Variants in TRAK2 observed in about 807,000 individuals in gnomAD.
TRAK2 encodes the protein trafficking kinesin-binding protein 2.
TRAK2 carries 81 observed loss-of-function variants against 104.6 expected under a neutral mutation model. The ratio of observed to expected loss-of-function variants is 0.77; its 90% confidence interval spans 0.65 to 0.93. The LOEUF is 0.93. Ranked by LOEUF, TRAK2 falls within the 40% of genes least tolerant of loss-of-function variation. The probability of loss-of-function intolerance (pLI) is 0.00; values close to 1 mark genes in which losing one functional copy is unlikely to be tolerated. For missense variants in TRAK2, 1,002 were observed against 1,089.0 expected, an observed-to-expected ratio of 0.92 and a Z score of 1.12; for synonymous variants, 406 against 394.4, an observed-to-expected ratio of 1.03 and a Z score of -0.35.
chr2:201,388,641 C>A (rs529959042), intron 12 of TRAK2, among the ~76,000 whole-genome samples: 19 of 152,278 alleles, frequency 1.2e-4, no homozygotes, highest in Admixed American at 1.2e-3. Context: ...AATGGAAGAT[C>A]AGCAAGCTGA....
intron 2 of TRAK2, chr2:201,411,567 T>C (rs934386175): frequency 2.0e-5 from 15 of 762,416 alleles, no homozygotes; most frequent in African/African-American, 5.1e-5. Context: ...AATGAAAGAA[T>C]TGAACTGATT....
At chr2:201,394,924 T>C (rs1301479813) in intron 8 of TRAK2, 52 bp from the exon 9 acceptor site, 2 of 1,433,406 alleles carry the variant, frequency 1.4e-6, no homozygotes, top group Admixed American at 3.7e-5. Context: ...AAAATATAGC[T>C]ATTCTCTTTC....
At chr2:201,423,581 C>T (rs375496113) in intron 1 of TRAK2, 1 of 151,902 alleles carries the variant, frequency 6.6e-6, no homozygotes, top group African/African-American at 2.4e-5. Flanking sequence ...GTATATAGTC[C>T]CTCACTGCTA....
intron 13 of TRAK2, among the ~76,000 whole-genome samples, 161 bp from the exon 14 acceptor site, chr2:201,386,645 T>G (rs139119317): frequency 1.5e-3 from 228 of 152,236 alleles, no homozygotes; most frequent in African/African-American, 3.6e-3. Flanking sequence ...AAGTTTTCAG[T>G]GGAAGATGAC....
chr2:201,417,950 G>A (rs540611103), intron 2 of TRAK2, among the ~76,000 whole-genome samples: 21 of 152,000 alleles, frequency 1.4e-4, no homozygotes, highest in African/African-American at 4.6e-4. Context: ...TAAATAAACA[G>A]TGCCATTTAA....
At chr2:201,421,614 G>A (rs1046812364) in intron 1 of TRAK2, among the ~76,000 whole-genome samples, 5 of 151,958 alleles carry the variant, frequency 3.3e-5, no homozygotes, top group Non-Finnish European at 7.4e-5. Context: ...TGATAAAACA[G>A]ATGCTCAACT....
intron 1 of TRAK2, among the ~76,000 whole-genome samples, chr2:201,430,816 C>A (rs532998265): frequency 6.6e-6 from 1 of 152,208 alleles, no homozygotes; most frequent in Admixed American, 6.5e-5. Context: ...GCTCACCCTC[C>A]GCGGGCTGCA....
Position 201,391,897 on chromosome 2 carries a change from T to C in TRAK2, c.1113+1012A>G, listed in dbSNP as rs964277059. ...ACTGTCCCAGATGGAAACAACAAAA[T>C]TCAATGTATCCTTTGAAGGACATTA... is the stretch of plus-strand genomic sequence containing the variant. On this transcript the variant is annotated intron_variant, in intron 10 of 15. Transcript: ENST00000332624. 2.0e-5 allele frequency among the ~76,000 whole-genome samples: 3 copies of C among 152,100 alleles called. No homozygotes were observed. The East Asian group carries it at 5.8e-4, about 29-fold the overall frequency.
At chr2:201,406,916 T>G (rs1951599504) in intron 3 of TRAK2, among the ~76,000 whole-genome samples, 1 of 152,202 alleles carries the variant, frequency 6.6e-6, no homozygotes, top group Non-Finnish European at 1.5e-5. Context: ...GATTACTATA[T>G]AGGGTATATT....
intron 1 of TRAK2, among the ~76,000 whole-genome samples, chr2:201,436,899 G>A (rs1485170451): frequency 6.6e-6 from 1 of 152,106 alleles, no homozygotes; most frequent in Non-Finnish European, 1.5e-5. Context: ...TGGTCAGGAT[G>A]GAGTATTATA....
chr2:201,437,085 T>C (rs1951884561), intron 1 of TRAK2, among the ~76,000 whole-genome samples: 1 of 152,202 alleles, frequency 6.6e-6, no homozygotes, highest in East Asian at 1.9e-4. Context: ...AAGATAAGGT[T>C]ACTTTTTGAG....
intron 1 of TRAK2, among the ~76,000 whole-genome samples, chr2:201,422,811 T>C (rs926389137): frequency 1.8e-4 from 28 of 152,014 alleles, no homozygotes; most frequent in African/African-American, 6.3e-4. Flanking sequence ...GTTTAGTGAG[T>C]ACAGACCACG....
At chr2:201,437,000 T>C (rs1951883967) in intron 1 of TRAK2, among the ~76,000 whole-genome samples, 1 of 152,232 alleles carries the variant, frequency 6.6e-6, no homozygotes, top group Non-Finnish European at 1.5e-5. Context: ...CGAGAGACTT[T>C]CTAATTACAG....
chr2:201,384,556 T>C (rs1396862764), intron 14 of TRAK2, among the ~76,000 whole-genome samples: 1 of 152,136 alleles, frequency 6.6e-6, no homozygotes, highest in African/African-American at 2.4e-5. Context: ...GTCTGCAGAC[T>C]CTGTGGGAGT....
At chr2:201,410,890 G>T in intron 2 of TRAK2, 1 of 1,587,818 alleles carries the variant, frequency 6.3e-7, no homozygotes, top group South Asian at 1.1e-5. Context: ...ACTGAAGTTT[G>T]GCAAAGTGGG....
chr2:201,433,423 G>A (rs1951857951), intron 1 of TRAK2: 3 of 152,236 alleles, frequency 2.0e-5, no homozygotes. Context: ...AAGATAAGTA[G>A]GGTGTCAGAA....
intron 1 of TRAK2, among the ~76,000 whole-genome samples, chr2:201,431,256 A>G (rs2125659079): frequency 1.3e-5 from 2 of 152,374 alleles, no homozygotes; most frequent in Middle Eastern, 6.8e-3. Flanking sequence ...CAGTGTGGCT[A>G]TACATTTCCT....
Position 201,397,516 on chromosome 2 carries a change from C to T in TRAK2, c.755G>A (p.Cys252Tyr). Reference sequence around the variant, plus strand: ...TTAATACTCACGAAGTTCTTTAACACAGTCGCTGACAAGCTGTTGTTCCTT... The same window carrying T: ...TTAATACTCACGAAGTTCTTTAACATAGTCGCTGACAAGCTGTTGTTCCTT... ...EEKEQQLVSD[C>Y]VKELRETNAQ... The change falls in exon 7 of 16, where the codon TGT becomes TAT. Residue 252 changes from cysteine (C) to tyrosine (Y), a missense_variant. Transcript: ENST00000332624. 1 of 1,612,394 alleles carries T rather than the reference C, an allele frequency of 6.2e-7. No homozygotes were observed. The highest frequency in any genetic ancestry group is 8.5e-7 in the Non-Finnish European group (1 of 1,178,904).
chr2:201,412,487 T>C, intron 2 of TRAK2: 1 of 1,155,928 alleles, frequency 8.7e-7, no homozygotes, highest in Non-Finnish European at 1.3e-6. Context: ...CTGAAACTCT[T>C]ATAAATGTCT....
Sources: allele counts gnomAD v4.1 joint callset (sites outside exome capture counted in the v4.1 genomes callset), GRCh38; gene constraint gnomAD v4.1.1; transcripts MANE v1.5; gene names NCBI Gene and HGNC (gene_info 2026-07-23, HGNC 2026-07-21).